Variants in DRC3 observed in about 807,000 individuals in gnomAD.
The protein encoded by DRC3 is dynein regulatory complex subunit 3.
A neutral mutation model predicts 57.6 loss-of-function variants in DRC3; 45 were observed. That is an observed-to-expected ratio of 0.78 (90% CI 0.62 to 1.00). DRC3 has a LOEUF of 1.00. Among genes scored for constraint, DRC3 ranks in the 50% least tolerant of loss-of-function variants. The pLI, the probability that DRC3 is intolerant of heterozygous loss-of-function variation, is 0.00. For missense variants in DRC3, 655 were observed against 675.2 expected (o/e 0.97, Z 0.33); for synonymous variants, 257 against 272.3 (o/e 0.94, Z 0.55).
intron 5 of DRC3, among the ~76,000 whole-genome samples, chr17:17,990,717 C>A (rs1366763994): frequency 2.0e-5 from 3 of 152,314 alleles, no homozygotes; most frequent in African/African-American, 7.2e-5. Context: ...TTTGGCCGGG[C>A]CCGGTGGTTC....
At chr17:17,992,248 C>A (rs993141399) in intron 5 of DRC3, among the ~76,000 whole-genome samples, 1 of 152,212 alleles carries the variant, frequency 6.6e-6, no homozygotes, top group Non-Finnish European at 1.5e-5. Flanking sequence ...GCACTCCAGC[C>A]TGGGCAACAG....
intron 12 of DRC3, 73 bp downstream of exon 12, chr17:18,007,220 T>A: frequency 3.4e-6 from 1 of 291,290 alleles, no homozygotes; most frequent in South Asian, 1.0e-4. Flanking sequence ...TGAGGCTCTG[T>A]GAGTAAGCCT....
chr17:17,993,103 T>C, intron 6 of DRC3, 192 bp downstream of exon 6: 1 of 606,586 alleles, frequency 1.6e-6, no homozygotes, highest in Non-Finnish European at 2.8e-6. Context: ...AGTACTGTTT[T>C]GTGTGCGTTC....
At chr17:17,996,660 G>A (rs1196472311) in intron 8 of DRC3, among the ~76,000 whole-genome samples, 56 of 152,278 alleles carry the variant, frequency 3.7e-4, no homozygotes, top group Non-Finnish European at 2.9e-5. Flanking sequence ...CTGACATTCT[G>A]GAAAGAATGA....
At chr17:18,007,819 A>G in intron 12 of DRC3, 1 of 1,019,820 alleles carries the variant, frequency 9.8e-7, no homozygotes, top group Non-Finnish European at 1.2e-6. Context: ...TGCATGCATC[A>G]TTCACTCCAC....
At chr17:17,994,270 T>A in intron 6 of DRC3, 29 bp from the exon 7 acceptor site, 1 of 1,548,112 alleles carries the variant, frequency 6.5e-7, no homozygotes, top group Non-Finnish European at 8.7e-7. Context: ...GAACCTCTGG[T>A]AACAATGCCA....
At chr17:17,997,130 C>G (rs529772119) in intron 8 of DRC3, among the ~76,000 whole-genome samples, 2 of 152,214 alleles carry the variant, frequency 1.3e-5, no homozygotes, top group African/African-American at 4.8e-5. Context: ...CCCCAGGCCT[C>G]TCTTCTGGGG....
At chr17:18,009,209 T>C (rs2044085637) in intron 12 of DRC3, among the ~76,000 whole-genome samples, 3 of 152,150 alleles carry the variant, frequency 2.0e-5, no homozygotes, top group Admixed American at 2.0e-4. Context: ...AGCCCTGGAA[T>C]TTGAGACCAG....
chr17:17,986,827 A>T (rs372639037), intron 4 of DRC3, among the ~76,000 whole-genome samples: 9 of 152,198 alleles, frequency 5.9e-5, no homozygotes, highest in African/African-American at 1.9e-4. Context: ...AGCCCAGGAA[A>T]AATGCTCATT....
intron 5 of DRC3, 37 bp from the exon 6 acceptor site, chr17:17,992,728 G>A: frequency 6.2e-7 from 1 of 1,602,284 alleles, no homozygotes; most frequent in Non-Finnish European, 8.5e-7. Context: ...CTCTGTGGCA[G>A]CCAAGAAAAT....
chr17:18,004,232 G>A (rs1597627162), intron 9 of DRC3, 131 bp from the exon 10 acceptor site: 1 of 972,266 alleles, frequency 1.0e-6, no homozygotes, highest in East Asian at 2.7e-5. Context: ...GCCAGCAAAT[G>A]GCAAAGCTGA....
intron 12 of DRC3, chr17:18,011,736 G>C (rs186108530): frequency 5.0e-6 from 1 of 201,656 alleles, no homozygotes; most frequent in Admixed American, 4.8e-5. Context: ...TGTTCACCAA[G>C]TCTTCCTCTC....
At chr17:17,976,821 T>C (rs1020520125) in intron 2 of DRC3, among the ~76,000 whole-genome samples, 1 of 152,236 alleles carries the variant, frequency 6.6e-6, no homozygotes, top group Non-Finnish European at 1.5e-5. Flanking sequence ...AGGCAGCCTC[T>C]GTCTGTGTCG....
rs2042833981 is a variant in DRC3, at chr17:17,983,930, A to G, written c.263A>G (p.His88Arg). 6.2e-7 allele frequency: 1 copy of G among 1,611,428 alleles called. No individual in the cohort carries two copies. The highest frequency in any genetic ancestry group is 8.5e-7 in the Non-Finnish European group (1 of 1,177,870). The change falls in exon 4 of 14, where the codon CAC becomes CGC. Residue 88 changes from histidine (H) to arginine (R), a missense_variant. Physicochemically the swap from His to Arg is conservative, Grantham distance 29 (BLOSUM62 0). Transcript: ENST00000399187. Reference sequence around the variant, plus strand: ...ATCGAGGGCCTGGAGAACCTCGCACACCTGGTCTGGCTGGGTAAGGCCCTT... The same window carrying G: ...ATCGAGGGCCTGGAGAACCTCGCACGCCTGGTCTGGCTGGGTAAGGCCCTT... ...EKIEGLENLA[H>R]LVWLDLSFNN...
chr17:17,985,222 A>T (rs2042903919), intron 4 of DRC3, among the ~76,000 whole-genome samples: 1 of 152,162 alleles, frequency 6.6e-6, no homozygotes, highest in Admixed American at 6.5e-5. Flanking sequence ...TTCCCTCCCT[A>T]ACAGAAGCTT....
At chr17:18,007,646 C>T in intron 12 of DRC3, 1 of 1,389,942 alleles carries the variant, frequency 7.2e-7, no homozygotes, top group Admixed American at 2.9e-5. Flanking sequence ...CTGGCTCCAT[C>T]CCTGGGGTCT....
chr17:18,016,249 T>G, intron 13 of DRC3, 54 bp downstream of exon 13: 1 of 1,585,328 alleles, frequency 6.3e-7, no homozygotes, highest in Non-Finnish European at 8.7e-7. Flanking sequence ...CTAGCTGACA[T>G]GGAAATCCTC....
intron 12 of DRC3, among the ~76,000 whole-genome samples, chr17:18,010,398 C>G (rs1419274186): frequency 6.6e-6 from 1 of 152,092 alleles, no homozygotes; most frequent in Non-Finnish European, 1.5e-5. Flanking sequence ...TGTTGCTACC[C>G]AAAGCAACCT....
rs553590926 is a variant in DRC3 at position 17,986,430 on chromosome 17, A to G, written c.278-1502A>G. ...CATCCCCTGATATGCGGAGGAGGCT[A>G]TATTAAGATGTGGTTAAACTCATCT... On this transcript the variant is annotated intron_variant, in intron 4 of 13. Transcript: ENST00000399187. 1.6e-4 allele frequency among the ~76,000 whole-genome samples: 24 copies of G among 150,928 alleles called. 1 individual carries two copies. In the South Asian group the frequency reaches 1.7e-3, roughly 11 times the overall value.
Sources: gnomAD v4.1 joint callset for allele counts (sites outside exome capture counted in the v4.1 genomes callset) on GRCh38, gnomAD v4.1.1 for gene constraint, MANE v1.5 for transcripts, NCBI Gene and HGNC (gene_info 2026-07-23, HGNC 2026-07-21) for gene names.